The following EPAS1 variants were observed in gnomAD, a reference collection of about 807,000 sequenced individuals.
EPAS1 encodes the protein endothelial PAS domain-containing protein 1.
In EPAS1, 23 loss-of-function variants were observed where a neutral mutation model predicts 87.9. That is an observed-to-expected ratio of 0.26 (90% confidence interval 0.19 to 0.37). EPAS1 has a LOEUF of 0.37. Among genes scored for constraint, EPAS1 ranks in the 10% least tolerant of loss-of-function variants. The probability of loss-of-function intolerance (pLI) is 1.00; values close to 1 mark genes in which losing one functional copy is unlikely to be tolerated. For synonymous variants in EPAS1, 508 were observed against 444.3 expected, an observed-to-expected ratio of 1.14 and a Z score of -1.80; for missense variants, 1,138 against 1,120.7, an observed-to-expected ratio of 1.02 and a Z score of -0.22.
intron 1 of EPAS1, among the ~76,000 whole-genome samples, chr2:46,305,555 G>A (rs1385721426): frequency 1.3e-5 from 2 of 152,092 alleles, no homozygotes; most frequent in Non-Finnish European, 2.9e-5. Context: ...TTTCTCATGT[G>A]GAAAAATATT....
At chr2:46,340,854 C>G (rs1049257113) in intron 1 of EPAS1, among the ~76,000 whole-genome samples, 6 of 152,148 alleles carry the variant, frequency 3.9e-5, no homozygotes, top group African/African-American at 1.4e-4. Context: ...TCTTGAGTAG[C>G]TGGGACCACC....
At chr2:46,322,773 C>T (rs765646312) in intron 1 of EPAS1, among the ~76,000 whole-genome samples, 7 of 152,178 alleles carry the variant, frequency 4.6e-5, no homozygotes, top group Non-Finnish European at 1.0e-4. Context: ...TCCATTATAT[C>T]AGGGATGGCA....
chr2:46,384,097 A>AT (rs1397782399), intron 15 of EPAS1, among the ~76,000 whole-genome samples: 1 of 152,144 alleles, frequency 6.6e-6, no homozygotes, highest in Non-Finnish European at 1.5e-5. Context: ...CAGAAACTGG[A>AT]TTTTCAGACT....
intron 1 of EPAS1, among the ~76,000 whole-genome samples, chr2:46,307,428 A>G (rs560303370): frequency 6.6e-6 from 1 of 152,266 alleles, no homozygotes; most frequent in Admixed American, 6.5e-5. Flanking sequence ...GAGAGCTTCT[A>G]TAAATGTAAC....
intron 2 of EPAS1, among the ~76,000 whole-genome samples, chr2:46,350,063 C>T (rs539581439): frequency 6.6e-6 from 1 of 152,252 alleles, no homozygotes; most frequent in Non-Finnish European, 1.5e-5. Context: ...ATTAAGCTCT[C>T]AATAAGTTAT....
chr2:46,333,556 A>G (rs977468000), intron 1 of EPAS1, among the ~76,000 whole-genome samples: 1 of 152,068 alleles, frequency 6.6e-6, no homozygotes, highest in African/African-American at 2.4e-5. Context: ...GAACAAATCA[A>G]CTGGGGACAT....
intron 1 of EPAS1, among the ~76,000 whole-genome samples, chr2:46,315,513 C>A (rs1683296580): frequency 6.6e-6 from 1 of 152,210 alleles, no homozygotes; most frequent in South Asian, 2.1e-4. Flanking sequence ...GGACGGCTCC[C>A]TTTTGCTGCC....
At chr2:46,319,968 A>G (rs1031275111) in intron 1 of EPAS1, among the ~76,000 whole-genome samples, 9 of 152,220 alleles carry the variant, frequency 5.9e-5, no homozygotes, top group African/African-American at 2.2e-4. Context: ...ATTTGCAACA[A>G]AATTTGGCAA....
chr2:46,362,090 C>T (rs549371092), intron 6 of EPAS1, among the ~76,000 whole-genome samples: 87 of 152,326 alleles, frequency 5.7e-4, no homozygotes, highest in African/African-American at 1.8e-3. Context: ...CCCTTCCTGG[C>T]AGAGATCTCC....
chr2:46,339,998 G>T (rs1440211476), intron 1 of EPAS1, among the ~76,000 whole-genome samples: 1 of 152,186 alleles, frequency 6.6e-6, no homozygotes, highest in Admixed American at 6.5e-5. Context: ...ATTTTGAGGG[G>T]ACGTAAACAT....
Position 46,375,019 on chromosome 2 carries a change from C to A in EPAS1, c.887-671C>A, listed in dbSNP as rs77142349. The stretch of plus-strand genomic sequence containing the variant: ...GGTCCCAGCTCTTTCTCAGCCCCAA[C>A]TGAGAAAGGGTGGGGTGGTTTGCCT... On this transcript the variant is annotated intron_variant, in intron 7 of 15. Transcript: ENST00000263734. The surrounding 1 kb of genome is among the most constrained non-coding windows in gnomAD (Gnocchi z 4.1). 0.023 allele frequency among the ~76,000 whole-genome samples: 3,503 copies of A among 152,144 alleles called. 140 individuals carry two copies. The highest frequency in any genetic ancestry group is 0.079 in the African/African-American group (3,282 of 41,484).
intron 1 of EPAS1, chr2:46,335,566 C>T (rs1683773612): frequency 1.3e-5 from 2 of 152,088 alleles, no homozygotes; most frequent in Admixed American, 1.3e-4. Context: ...AATGTTATTA[C>T]CCAGCCCCCT....
At chr2:46,362,761 T>G (rs1328128800) in intron 6 of EPAS1, among the ~76,000 whole-genome samples, 1 of 152,208 alleles carries the variant, frequency 6.6e-6, no homozygotes, top group Non-Finnish European at 1.5e-5. Context: ...ATTTCAGAAC[T>G]TTTGTAAAAG....
intron 8 of EPAS1, among the ~76,000 whole-genome samples, chr2:46,376,212 A>G (rs1558609140): frequency 6.6e-6 from 1 of 152,196 alleles, no homozygotes; most frequent in Non-Finnish European, 1.5e-5. Flanking sequence ...TAGTACCTGG[A>G]AAGAAAGCTA....
intron 1 of EPAS1, among the ~76,000 whole-genome samples, chr2:46,342,317 T>C (rs77697877): frequency 0.038 from 5,803 of 152,270 alleles, 136 homozygotes; most frequent in African/African-American, 0.052. Flanking sequence ...ACAAGCCTCA[T>C]AGAAGTGTCA....
intron 1 of EPAS1, among the ~76,000 whole-genome samples, chr2:46,343,262 C>T (rs1214896191): frequency 6.6e-6 from 1 of 152,166 alleles, no homozygotes; most frequent in Non-Finnish European, 1.5e-5. Context: ...CAGGTGTTCT[C>T]CTAAGGTGAA....
intron 1 of EPAS1, among the ~76,000 whole-genome samples, chr2:46,318,999 C>T (rs574856967): frequency 6.6e-6 from 1 of 152,322 alleles, no homozygotes; most frequent in East Asian, 1.9e-4. Flanking sequence ...CAAGCTATAA[C>T]CAGCCCAAGC....
At chr2:46,372,482 G>C (rs1006150009) in intron 7 of EPAS1, among the ~76,000 whole-genome samples, 14 of 152,192 alleles carry the variant, frequency 9.2e-5, no homozygotes, top group African/African-American at 3.4e-4. Context: ...GAAATGCCTG[G>C]AGAAGCTCAA....
rs916376015 is a variant in EPAS1 at position 46,297,870 on chromosome 2, C to A, written c.-42C>A. The A allele has an allele frequency of 1.2e-6, 2 of 1,603,322 alleles. No individual in the cohort carries two copies. Among genetic ancestry groups the A allele is most frequent in the African/African-American group, 2.7e-5 (2 of 74,668 alleles). On this transcript the variant is annotated 5_prime_UTR_variant, in exon 1 of 16. Coordinates refer to ENST00000263734, the MANE Select transcript of EPAS1 (RefSeq NM_001430.5). ...ACAGCCCCCCACCCGCCAGGGAGCCCAGGTGCTCGGCGTCTGAACGTCTCA... is the reference window on the plus strand; with the variant it reads ...ACAGCCCCCCACCCGCCAGGGAGCCAAGGTGCTCGGCGTCTGAACGTCTCA...
Sources: allele counts gnomAD v4.1 joint callset (sites outside exome capture counted in the v4.1 genomes callset), GRCh38; gene constraint gnomAD v4.1.1; non-coding constraint Gnocchi (gnomAD v3.1); transcripts MANE v1.5; gene names NCBI Gene and HGNC (gene_info 2026-07-23, HGNC 2026-07-21).